Variants in CDK19 observed in about 807,000 individuals in gnomAD.
CDK19 encodes cyclin dependent kinase 19.
A neutral mutation model predicts 68.3 loss-of-function variants in CDK19; 20 were observed. The ratio of observed to expected loss-of-function variants is 0.29; its 90% CI spans 0.21 to 0.43. The LOEUF (loss-of-function observed/expected upper bound fraction) is 0.43. Ranked by LOEUF, CDK19 falls within the 20% of genes least tolerant of loss-of-function variation. CDK19 has a pLI of 1.00. For missense variants in CDK19, 339 were observed against 623.5 expected, an observed-to-expected ratio of 0.54 and a Z score of 4.86; for synonymous variants, 221 against 222.8, an observed-to-expected ratio of 0.99 and a Z score of 0.07.
intron 1 of CDK19, among the ~76,000 whole-genome samples, chr6:110,811,351 C>T (rs1239012015): frequency 6.6e-6 from 1 of 152,166 alleles, no homozygotes; most frequent in Non-Finnish European, 1.5e-5. Flanking sequence ...TCATCAACCA[C>T]TCATTTGAAA....
upstream of CDK19, chr6:110,815,811 G>T (rs980111717): frequency 1.3e-5 from 2 of 152,520 alleles, no homozygotes; most frequent in Non-Finnish European, 2.9e-5. Flanking sequence ...TCAGCACCTT[G>T]CTGAAGGGTT....
chr6:110,615,525 T>G (rs2114561845), intron 12 of CDK19, among the ~76,000 whole-genome samples: 1 of 152,302 alleles, frequency 6.6e-6, no homozygotes. Context: ...CTTTTGAAAC[T>G]TCCTTAGCAA....
chr6:110,736,873 G>C (rs1287715553), intron 2 of CDK19, among the ~76,000 whole-genome samples: 1 of 152,072 alleles, frequency 6.6e-6, no homozygotes, highest in Admixed American at 6.6e-5. Flanking sequence ...GCACAACTTT[G>C]CTTCAATATT....
At chr6:110,720,431 C>T (rs1207548553) in intron 2 of CDK19, among the ~76,000 whole-genome samples, 1 of 152,152 alleles carries the variant, frequency 6.6e-6, no homozygotes, top group Non-Finnish European at 1.5e-5. Flanking sequence ...ATCAGTTTTG[C>T]TGGCAAGCCA....
In CDK19 at chr6:110,638,715, A is replaced by G. The variant is rs1417592979; in HGVS notation, c.457-9T>C. ...AGGATATTTGCTGGTTTCTAGAAAT[A>G]AAAATAGAGCATTCAAATTACCATG... On this transcript the variant is annotated splice_polypyrimidine_tract_variant and intron_variant, in intron 4 of 12. Coordinates refer to ENST00000368911, the MANE Select transcript of CDK19 (RefSeq NM_015076.5). 6.7e-7 allele frequency: 1 copy of G among 1,493,992 alleles called. No individual in the cohort carries two copies. Among genetic ancestry groups the G allele is most frequent in the Admixed American group, 1.7e-5 (1 of 59,112 alleles). The allele number at this position is 1,493,992 out of a possible 1,614,324, so 92.5% of individuals were successfully genotyped here.
In CDK19 at chr6:110,621,080, G is replaced by A. The variant is rs767494890; in HGVS notation, c.1377+24C>T. 2 of 1,596,574 alleles carry A rather than the reference G, an allele frequency of 1.3e-6. No homozygotes were observed. The highest frequency in any genetic ancestry group is 2.3e-5 in the South Asian group (2 of 87,984). On this transcript the variant is annotated intron_variant, in intron 12 of 12. Coordinates refer to ENST00000368911, the MANE Select transcript of CDK19 (RefSeq NM_015076.5). This position sits in a 1 kb window ranked among gnomAD's most constrained non-coding sequence, Gnocchi z 5.4. Reference sequence around the variant, plus strand: ...CTTTTCCCCACTTCATAAAGCATATGAACATTAGACATTCAGGGAGTACCT... The same window carrying A: ...CTTTTCCCCACTTCATAAAGCATATAAACATTAGACATTCAGGGAGTACCT...
At chr6:110,712,560 A>T (rs1327256367) in intron 2 of CDK19, among the ~76,000 whole-genome samples, 1 of 152,218 alleles carries the variant, frequency 6.6e-6, no homozygotes, top group African/African-American at 2.4e-5. Context: ...CCTTTGCCTT[A>T]TTAGATCTCA....
At chr6:110,704,638 G>A (rs1383373419) in intron 2 of CDK19, among the ~76,000 whole-genome samples, 1 of 152,166 alleles carries the variant, frequency 6.6e-6, no homozygotes, top group Non-Finnish European at 1.5e-5. Flanking sequence ...AAAGTGTAAA[G>A]TCATTCCATG....
At chr6:110,637,920 T>C (rs1036136036) in intron 5 of CDK19, among the ~76,000 whole-genome samples, 1 of 152,096 alleles carries the variant, frequency 6.6e-6, no homozygotes, top group African/African-American at 2.4e-5. Context: ...GAGGCGGAGG[T>C]TGCAGTGAGC....
At chr6:110,651,009 C>T (rs758302698) in intron 4 of CDK19, among the ~76,000 whole-genome samples, 2 of 151,930 alleles carry the variant, frequency 1.3e-5, no homozygotes, top group African/African-American at 4.8e-5. Context: ...CTTGGGTGAG[C>T]GAGCAGACTG....
chr6:110,696,842 T>G (rs1773525046), intron 2 of CDK19, among the ~76,000 whole-genome samples: 1 of 152,078 alleles, frequency 6.6e-6, no homozygotes, highest in Admixed American at 6.6e-5. Context: ...GCGGATCACT[T>G]GAGGCCGGGA....
chr6:110,641,650 G>GA (rs1780190053), intron 4 of CDK19, among the ~76,000 whole-genome samples: 8 of 79,148 alleles, frequency 1.0e-4, no homozygotes, highest in African/African-American at 5.8e-4. Flanking sequence ...GGAAAGAAAG[G>GA]AAGGAAGGAA....
In CDK19 at chr6:110,716,392, T is replaced by C. The variant is rs190416422; in HGVS notation, c.204+29734A>G. Among the ~76,000 whole-genome samples, 446 of 152,172 alleles carry C rather than the reference T, an allele frequency of 2.9e-3. 2 individuals carry two copies. Among genetic ancestry groups the C allele is most frequent in the African/African-American group, 0.01 (432 of 41,520 alleles). ...TCACTGGACCACCTATGAGTTCAAA[T>C]ATTTTATCAAACTTTAATTGAAAAA... is the stretch of plus-strand genomic sequence containing the variant. On this transcript the variant is annotated intron_variant, in intron 2 of 12. Coordinates refer to ENST00000368911, the MANE Select transcript of CDK19 (RefSeq NM_015076.5).
Position 110,815,216 on chromosome 6 carries a change from G to T in CDK19, c.-80C>A, listed in dbSNP as rs1198885203. On this transcript the variant is annotated 5_prime_UTR_variant, in exon 1 of 13. Coordinates refer to ENST00000368911, the MANE Select transcript of CDK19 (RefSeq NM_015076.5). ...TCCTCCTCCTCCCCCCGCGACCGCCGCTCCACTTCTCCAACAGCCGCCTCT... is the reference window on the plus strand; with the variant it reads ...TCCTCCTCCTCCCCCCGCGACCGCCTCTCCACTTCTCCAACAGCCGCCTCT... 1 of 1,388,256 alleles carries T rather than the reference G, an allele frequency of 7.2e-7. No homozygotes were observed. The highest frequency in any genetic ancestry group is 2.9e-5 in the East Asian group (1 of 34,286). The allele number at this position is 1,388,256 out of a possible 1,614,324, so 86.0% of individuals were successfully genotyped here. A position where few individuals can be genotyped will look rare whatever the true frequency, so the allele number is the denominator to read the frequency against.
At chr6:110,667,944 A>T (rs530303209) in intron 3 of CDK19, among the ~76,000 whole-genome samples, 1 of 152,236 alleles carries the variant, frequency 6.6e-6, no homozygotes, top group Non-Finnish European at 1.5e-5. Flanking sequence ...TTCTATAAAA[A>T]GTTAGCACTT....
intron 6 of CDK19, among the ~76,000 whole-genome samples, chr6:110,627,849 T>A (rs991041414): frequency 2.6e-5 from 4 of 152,136 alleles, no homozygotes; most frequent in Non-Finnish European, 4.4e-5. Context: ...TTTAAAGCCA[T>A]CCAATGTATA....
At chr6:110,660,391 A>C (rs1344448578) in intron 4 of CDK19, among the ~76,000 whole-genome samples, 1 of 152,174 alleles carries the variant, frequency 6.6e-6, no homozygotes, top group Admixed American at 6.5e-5. Context: ...TAAGCCACAG[A>C]AGGAATGGTA....
At chr6:110,615,014 A>T (rs1272207885) in intron 12 of CDK19, among the ~76,000 whole-genome samples, 1 of 152,228 alleles carries the variant, frequency 6.6e-6, no homozygotes, top group Admixed American at 6.5e-5. Context: ...AAACAAGAAT[A>T]ATCAATTTGG....
intron 2 of CDK19, chr6:110,670,808 G>A (rs867870120): frequency 1.8e-6 from 1 of 548,266 alleles, no homozygotes; most frequent in Admixed American, 2.3e-5. Context: ...ACTGCAAGCA[G>A]GAATGTGTTT....
Sources: allele counts gnomAD v4.1 joint callset (sites outside exome capture counted in the v4.1 genomes callset), GRCh38; gene constraint gnomAD v4.1.1; non-coding constraint Gnocchi (gnomAD v3.1); transcripts MANE v1.5; gene names NCBI Gene and HGNC (gene_info 2026-07-23, HGNC 2026-07-21).